Variants in AOC2 observed in about 807,000 individuals in gnomAD.
The protein encoded by AOC2 is amine oxidase copper containing 2.
In AOC2, 57 loss-of-function variants were observed where a neutral mutation model predicts 53.8. The ratio of observed to expected loss-of-function variants is 1.06; its 90% confidence interval spans 0.86 to 1.32. The LOEUF (loss-of-function observed/expected upper bound fraction) is 1.32. Ranked by LOEUF, AOC2 falls within the 40% of genes most tolerant of loss-of-function variation. The probability of loss-of-function intolerance (pLI) is 0.00; values close to 1 mark genes in which losing one functional copy is unlikely to be tolerated. For missense variants in AOC2, 1,008 were observed against 957.2 expected (o/e 1.05, Z -0.70); for synonymous variants, 404 against 399.0 (o/e 1.01, Z -0.15).
chr17:42,847,434 A>G (rs890104239), intron 1 of AOC2, among the ~76,000 whole-genome samples: 1 of 152,226 alleles, frequency 6.6e-6, no homozygotes, highest in African/African-American at 2.4e-5. Flanking sequence ...CCAGACCTGC[A>G]GAAAGTGTAT....
Position 42,849,106 on chromosome 17 carries a change from G to C in AOC2, c.1609G>C (p.Ala537Pro), listed in dbSNP as rs2053229214. 1.2e-6 allele frequency: 2 copies of C among 1,609,454 alleles called. No individual in the cohort carries two copies. Among genetic ancestry groups the C allele is most frequent in the Non-Finnish European group, 1.7e-6 (2 of 1,176,146 alleles). The change falls in exon 2 of 4, where the codon GCT becomes CCT. Residue 537 changes from alanine (A) to proline (P), a missense_variant. By Grantham distance (27) the Ala-to-Pro change is conservative (BLOSUM62 -1). Transcript: ENST00000253799. ...GGCAGGGCTGAAAAACTGGGTGGTA[G>C]CTGAAGACGTGGTGTTTAAACCTGT... ...DVAGLKNWVV[A>P]EDVVFKPVAA...
In AOC2 at chr17:42,845,001, C is replaced by T. The variant is rs763196297; in HGVS notation, c.375C>T (p.Leu125=). Residue 125 remains leucine, a synonymous_variant, in exon 1 of 4, where the codon CTC becomes CTT. Transcript: ENST00000253799. ...PPAREALAIV[L]FGGQPQPNVS... is the part of the protein sequence containing the mutation. Reference sequence around the variant, plus strand: ...CCCGGGAGGCACTGGCCATCGTCCTCTTTGGTGGACAACCCCAACCCAATG... The same window carrying T: ...CCCGGGAGGCACTGGCCATCGTCCTTTTTGGTGGACAACCCCAACCCAATG... 9 of 1,612,710 alleles carry T rather than the reference C, an allele frequency of 5.6e-6. No homozygotes were observed. Among genetic ancestry groups the T allele is most frequent in the Non-Finnish European group, 7.6e-6 (9 of 1,179,212 alleles).
Position 42,846,125 on chromosome 17 carries a change from G to C in AOC2, c.1499G>C (p.Gly500Ala). 6.3e-7 allele frequency: 1 copy of C among 1,578,590 alleles called. No individual in the cohort carries two copies. The highest frequency in any genetic ancestry group is 8.6e-7 in the Non-Finnish European group (1 of 1,159,988). The change falls in exon 1 of 4, where the codon GGC (glycine) becomes GCC (alanine). Residue 500 changes from glycine (G) to alanine (A), a missense_variant. Transcript: ENST00000253799. ...GCTTTCCTGAAAGGGGGAGAGGAGG[G>C]CCTCCTCTTTGGGAACCGTGTGGGG... ...NTAFLKGGEEGLLFGNRVGER... is the reference protein window; with the variant it reads ...NTAFLKGGEEALLFGNRVGER...
intron 1 of AOC2, 35 bp downstream of exon 1, chr17:42,846,249 G>T: frequency 2.7e-6 from 4 of 1,500,938 alleles, no homozygotes; most frequent in South Asian, 2.7e-5. Context: ...GAGACTTGGG[G>T]GCGGGGTCAG....
At position 42,845,447 on chromosome 17, in the gene AOC2, A is replaced by G; in HGVS notation, c.821A>G (p.Glu274Gly). The G allele has an allele frequency of 6.2e-7, 1 of 1,614,048 alleles. No homozygotes were observed. The change falls in exon 1 of 4, where the codon GAG becomes GGG. Residue 274 changes from glutamate (E) to glycine (G), a missense_variant. Glu to Gly is a moderately conservative substitution (Grantham distance 98). Coordinates refer to ENST00000253799, the MANE Select transcript of AOC2 (RefSeq NM_009590.4). Reference sequence around the variant, plus strand: ...GCAGACTTGGGCCAGTTGGAACGGGAGTTTAAGTCTGGCCGGTTGGAAGTG... The same window carrying G: ...GCAGACTTGGGCCAGTTGGAACGGGGGTTTAAGTCTGGCCGGTTGGAAGTG... ...YYADLGQLEREFKSGRLEVVR... is the reference protein window; with the variant it reads ...YYADLGQLERGFKSGRLEVVR...
Position 42,845,586 on chromosome 17 carries a change from A to G in AOC2, c.960A>G (p.Gln320=), listed in dbSNP as rs1273895843. 1 of 1,614,102 alleles carries G rather than the reference A, an allele frequency of 6.2e-7. No homozygotes were observed. Among genetic ancestry groups the G allele is most frequent in the Admixed American group, 1.7e-5 (1 of 60,004 alleles). ...CCCAGGGTTCCCAGTACAGTGTGCA[A>G]GGAAACCTGGTGGTATCCTCCCTCT... ...FSPQGSQYSV[Q]GNLVVSSLWS... The change falls in exon 1 of 4, where the codon CAA becomes CAG. Residue 320 remains glutamine, a synonymous_variant. Transcript: ENST00000253799.
chr17:42,849,407 C>T (rs370732062), intron 2 of AOC2, 36 bp downstream of exon 2: 2 of 1,599,326 alleles, frequency 1.3e-6, no homozygotes, highest in Admixed American at 1.7e-5. Context: ...AAGGAAAGGA[C>T]AGCCCCTCCC....
At chr17:42,849,496 T>G (rs2144280020) in intron 2 of AOC2, 105 bp from the exon 3 acceptor site, 1 of 1,590,942 alleles carries the variant, frequency 6.3e-7, no homozygotes, top group East Asian at 2.2e-5. Context: ...CCAAGTTAGA[T>G]ACACGGTGGG....
intron 1 of AOC2, 36 bp downstream of exon 1, chr17:42,846,250 G>A (rs2144273758): frequency 3.3e-6 from 5 of 1,498,770 alleles, no homozygotes; most frequent in Non-Finnish European, 4.4e-6. Flanking sequence ...AGACTTGGGG[G>A]CGGGGTCAGG....
rs752423830 is a variant in AOC2, at chr17:42,845,405, A to G, written c.779A>G (p.Tyr260Cys). ...PAHWTVQQVF[Y>C]LGHYYADLGQ... is the part of the protein sequence containing the mutation. ...CACTGGACTGTCCAGCAGGTCTTCT[A>G]CCTTGGGCACTACTATGCAGACTTG... Residue 260 changes from tyrosine (Y) to cysteine (C), a missense_variant, in exon 1 of 4, where the codon TAC (tyrosine) becomes TGC (cysteine). Transcript: ENST00000253799. 7 of 1,614,122 alleles carry G rather than the reference A, an allele frequency of 4.3e-6. No homozygotes were observed. The highest frequency in any genetic ancestry group is 5.9e-6 in the Non-Finnish European group (7 of 1,180,026).
chr17:42,850,228 C>T lies in AOC2; in HGVS notation c.2151C>T (p.Gly717=). Residue 717 remains glycine (G), a synonymous_variant, in exon 4 of 4, where the codon GGC becomes GGT. Coordinates refer to ENST00000253799, the MANE Select transcript of AOC2 (RefSeq NM_009590.4). The part of the protein sequence containing the change: ...FDEDPSIFSP[G]SVYFEKGQDA... ...AGGACCCCTCCATCTTCTCCCCTGG[C>T]AGTGTCTACTTTGAGAAGGGCCAGG... The T allele has an allele frequency of 2.5e-6, 4 of 1,614,196 alleles. No individual in the cohort carries two copies. The highest frequency in any genetic ancestry group is 2.5e-6 in the Non-Finnish European group (3 of 1,180,032).
In AOC2 at chr17:42,849,603, A is replaced by T; in HGVS notation, c.1877A>T (p.Tyr626Phe). 1 of 1,614,218 alleles carries T rather than the reference A, an allele frequency of 6.2e-7. No individual in the cohort carries two copies. Among genetic ancestry groups the T allele is most frequent in the Non-Finnish European group, 8.5e-7 (1 of 1,180,034 alleles). The change falls in exon 3 of 4, where the codon TAC becomes TTC. Residue 626 changes from tyrosine (Y) to phenylalanine (F), a missense_variant and splice_region_variant. Transcript: ENST00000253799. Reference sequence around the variant, plus strand: ...ACCTTCTTATGATTCCTGGCCAGATACCAGCTTGTGGTGACCCAGAGAAAG... The same window carrying T: ...ACCTTCTTATGATTCCTGGCCAGATTCCAGCTTGTGGTGACCCAGAGAAAG... The part of the protein sequence containing the change: ...DMERALSWGR[Y>F]QLVVTQRKEE...
chr17:42,848,222 A>G (rs2144276831), intron 1 of AOC2, among the ~76,000 whole-genome samples: 1 of 151,828 alleles, frequency 6.6e-6, no homozygotes, highest in East Asian at 1.9e-4. Flanking sequence ...TTTTTCAGCT[A>G]GCTTCTCCAA....
Position 42,849,647 on chromosome 17 carries a change from A to G in AOC2, c.1921A>G (p.Ser641Gly). 1 of 1,614,252 alleles carries G rather than the reference A, an allele frequency of 6.2e-7. No individual in the cohort carries two copies. The highest frequency in any genetic ancestry group is 8.5e-7 in the Non-Finnish European group (1 of 1,180,032). The change falls in exon 3 of 4, where the codon AGT becomes GGT. Residue 641 changes from serine to glycine, a missense_variant. Transcript: ENST00000253799. Reference protein sequence around the residue: ...TQRKEEESQSSSIYHQNDIWT... With the variant: ...TQRKEEESQSGSIYHQNDIWT... Reference sequence around the variant, plus strand: ...GAGAAAGGAGGAGGAGTCACAGAGCAGTAGCATCTATCACCAGAATGACAT... The same window carrying G: ...GAGAAAGGAGGAGGAGTCACAGAGCGGTAGCATCTATCACCAGAATGACAT...
rs2055589848 is a variant in AOC2, at chr17:42,845,540, T to C, written c.914T>C (p.Leu305Pro). 1 of 1,614,196 alleles carries C rather than the reference T, an allele frequency of 6.2e-7. No homozygotes were observed. The highest frequency in any genetic ancestry group is 2.2e-5 in the East Asian group (1 of 44,882). The change falls in exon 1 of 4, where the codon CTT (leucine) becomes CCT (proline). Residue 305 changes from leucine to proline, a missense_variant. By Grantham distance (98) the Leu-to-Pro change is moderately conservative. Transcript: ENST00000253799. ...AGGTCTCGGAACTCTCCAGGTCCTC[T>C]TCCCCCTCTTCAGTTCTCGCCCCAG... is the stretch of plus-strand genomic sequence containing the variant. ...SLRSRNSPGP[L>P]PPLQFSPQGS...
intron 1 of AOC2, 66 bp downstream of exon 1, chr17:42,846,280 G>C: frequency 1.4e-6 from 2 of 1,458,982 alleles, no homozygotes; most frequent in Non-Finnish European, 1.8e-6. Context: ...GGGAAGGGAA[G>C]GGAATCTCCC....
chr17:42,845,392 C>T lies in AOC2; in HGVS notation c.766C>T (p.Gln256Ter), dbSNP rs200144771. 55 of 1,614,088 alleles carry T rather than the reference C, an allele frequency of 3.4e-5. No individual in the cohort carries two copies. Among genetic ancestry groups the T allele is most frequent in the Non-Finnish European group, 4.2e-5 (50 of 1,180,044 alleles). ...CCTGGACCCTGCCCACTGGACTGTCCAGCAGGTCTTCTACCTTGGGCACTA... is the reference window on the plus strand; with the variant it reads ...CCTGGACCCTGCCCACTGGACTGTCTAGCAGGTCTTCTACCTTGGGCACTA... Reference protein sequence around the residue: ...RALDPAHWTVQQVFYLGHYYA... With the variant: ...RALDPAHWTV Residue 256 changes from glutamine to a stop codon, truncating the protein, a stop_gained, in exon 1 of 4, where the codon CAG becomes TAG. Coordinates refer to ENST00000253799, the MANE Select transcript of AOC2 (RefSeq NM_009590.4). LOFTEE classifies it high-confidence loss of function.
chr17:42,848,704 C>G (rs2055619341), intron 1 of AOC2, among the ~76,000 whole-genome samples: 1 of 151,728 alleles, frequency 6.6e-6, no homozygotes, highest in African/African-American at 2.4e-5. Flanking sequence ...GCATGTACCA[C>G]CATGCCTGGC....
chr17:42,849,031 T>A, intron 1 of AOC2, 55 bp from the exon 2 acceptor site: 1 of 1,534,368 alleles, frequency 6.5e-7, no homozygotes, highest in Non-Finnish European at 8.8e-7. Context: ...GACAGGGACC[T>A]GGCCCAGAGA....
Sources: allele counts gnomAD v4.1 joint callset (sites outside exome capture counted in the v4.1 genomes callset), GRCh38; gene constraint gnomAD v4.1.1; transcripts MANE v1.5; gene names NCBI Gene and HGNC (gene_info 2026-07-23, HGNC 2026-07-21).